Variants in HMBOX1 observed in about 807,000 individuals in gnomAD.
HMBOX1 encodes homeobox-containing protein 1.
Under a neutral mutation model 54.5 loss-of-function variants are expected in HMBOX1, and 14 were observed. The observed-to-expected ratio is 0.26, with a 90% CI of 0.17 to 0.40. The LOEUF is 0.40. HMBOX1 is among the 10% of genes least tolerant of loss of function. The pLI is 1.00. For missense variants in HMBOX1, 332 were observed against 514.4 expected, an observed-to-expected ratio of 0.65 and a Z score of 3.43; for synonymous variants, 160 against 181.0, an observed-to-expected ratio of 0.88 and a Z score of 0.93.
chr8:28,960,281 T>C (rs1050023160), intron 1 of HMBOX1, among the ~76,000 whole-genome samples: 3 of 143,748 alleles, frequency 2.1e-5, no homozygotes, highest in African/African-American at 6.0e-5. Flanking sequence ...TTTGTCACAG[T>C]GTATTGTTAT....
chr8:29,038,863 C>G (rs1271889623), intron 6 of HMBOX1, among the ~76,000 whole-genome samples: 3 of 152,120 alleles, frequency 2.0e-5, no homozygotes, highest in African/African-American at 7.2e-5. Context: ...ACTCCATACC[C>G]TTTAAAATCT....
intron 2 of HMBOX1, among the ~76,000 whole-genome samples, chr8:28,968,401 G>T (rs1463322150): frequency 2.0e-5 from 3 of 152,200 alleles, no homozygotes; most frequent in African/African-American, 7.2e-5. Context: ...TTGTAAAGGA[G>T]AATGATGTGT....
chr8:28,928,507 T>C (rs928214442), intron 1 of HMBOX1, among the ~76,000 whole-genome samples: 1 of 152,164 alleles, frequency 6.6e-6, no homozygotes, highest in African/African-American at 2.4e-5. Context: ...GAGCCAGCAA[T>C]CCCACTTGTG....
chr8:29,039,160 T>C (rs1016439307), intron 6 of HMBOX1, among the ~76,000 whole-genome samples: 1 of 152,206 alleles, frequency 6.6e-6, no homozygotes, highest in South Asian at 2.1e-4. Context: ...ATATCTTCTT[T>C]ACATACCTGT....
intron 1 of HMBOX1, among the ~76,000 whole-genome samples, chr8:28,959,409 G>A (rs1825063920): frequency 6.6e-6 from 1 of 152,184 alleles, no homozygotes; most frequent in African/African-American, 2.4e-5. Flanking sequence ...AAGTTACTAA[G>A]AGTGGCTCAC....
Position 29,050,016 on chromosome 8 carries a change from C to T in HMBOX1, c.1125+968C>T, listed in dbSNP as rs77928954. ...GAAGGAAACAATGATGTCCACACTT[C>T]TGAAGAACTACCATTTTTTCCCATT... On this transcript the variant is annotated intron_variant, in intron 9 of 9. Transcript: ENST00000287701. Among the ~76,000 whole-genome samples the T allele has an allele frequency of 2.7e-3, 418 of 152,340 alleles. 1 individual carries two copies. The highest frequency in any genetic ancestry group is 4.3e-3 in the Non-Finnish European group (295 of 68,032).
intron 1 of HMBOX1, among the ~76,000 whole-genome samples, chr8:28,904,744 T>C (rs1479010749): frequency 1.3e-5 from 2 of 151,890 alleles, no homozygotes; most frequent in African/African-American, 4.8e-5. Context: ...TGGCACCATC[T>C]TGCTCACTGC....
intron 3 of HMBOX1, among the ~76,000 whole-genome samples, chr8:28,973,796 T>C (rs1393114675): frequency 2.1e-5 from 3 of 146,172 alleles, no homozygotes; most frequent in Non-Finnish European, 4.5e-5. Context: ...TCGAGATACA[T>C]AATGGAGTTT....
chr8:29,046,370 G>T (rs1805560653), intron 7 of HMBOX1: 1 of 152,162 alleles, frequency 6.6e-6, no homozygotes, highest in Admixed American at 6.5e-5. Flanking sequence ...CCTGCTTTCT[G>T]GTTTCTTCAC....
intron 3 of HMBOX1, among the ~76,000 whole-genome samples, chr8:28,972,957 A>G (rs1216642790): frequency 2.0e-5 from 3 of 152,192 alleles, no homozygotes; most frequent in Non-Finnish European, 4.4e-5. Flanking sequence ...TCGCATAATC[A>G]GGACACTTTA....
chr8:28,938,724 C>T (rs940986923), intron 1 of HMBOX1, among the ~76,000 whole-genome samples: 2 of 151,902 alleles, frequency 1.3e-5, no homozygotes, highest in Admixed American at 6.6e-5. Flanking sequence ...GTTGGAATTA[C>T]AGGCATGAGC....
chr8:28,894,618 A>G (rs1036394939), intron 1 of HMBOX1, among the ~76,000 whole-genome samples: 2 of 152,226 alleles, frequency 1.3e-5, no homozygotes, highest in South Asian at 2.1e-4. Context: ...TACTGGATTT[A>G]GGGCCCATCA....
At chr8:29,050,231 C>G in intron 9 of HMBOX1, 2 of 984,572 alleles carry the variant, frequency 2.0e-6, no homozygotes, top group Non-Finnish European at 2.4e-6. Context: ...CTCTTTGATA[C>G]GGAGTTCCCC....
intron 1 of HMBOX1, chr8:28,915,545 A>C (rs1421096167): frequency 7.2e-6 from 1 of 138,128 alleles, no homozygotes; most frequent in African/African-American, 2.8e-5. Flanking sequence ...TGACAGAGCG[A>C]GACTCTGTCT....
At chr8:28,895,829 A>G (rs987557912) in intron 1 of HMBOX1, among the ~76,000 whole-genome samples, 1 of 152,122 alleles carries the variant, frequency 6.6e-6, no homozygotes, top group Non-Finnish European at 1.5e-5. Flanking sequence ...ATTTCTTTCT[A>G]TTAATGTTCT....
chr8:29,050,369 G>T, intron 9 of HMBOX1: 1 of 273,108 alleles, frequency 3.7e-6, no homozygotes, highest in Non-Finnish European at 5.6e-6. Flanking sequence ...GGGGAGGACA[G>T]CTTCACACTA....
At chr8:28,899,452 A>G (rs1812791881) in intron 1 of HMBOX1, among the ~76,000 whole-genome samples, 1 of 152,202 alleles carries the variant, frequency 6.6e-6, no homozygotes, top group Non-Finnish European at 1.5e-5. Context: ...TATAGTGACA[A>G]CTGTTCTCTT....
chr8:29,003,613 A>G (rs1833011687), intron 4 of HMBOX1, among the ~76,000 whole-genome samples: 3 of 116,940 alleles, frequency 2.6e-5, no homozygotes, highest in Admixed American at 9.6e-5. Flanking sequence ...GCATGTAGAA[A>G]GTCTGGATGG....
chr8:29,040,602 G>C (rs534156372), intron 6 of HMBOX1, among the ~76,000 whole-genome samples: 8 of 152,274 alleles, frequency 5.3e-5, no homozygotes, highest in East Asian at 1.9e-4. Context: ...CCTCCAGCTA[G>C]AGTAGCATGT....
Sources: allele counts gnomAD v4.1 joint callset (sites outside exome capture counted in the v4.1 genomes callset), GRCh38; gene constraint gnomAD v4.1.1; transcripts MANE v1.5; gene names NCBI Gene and HGNC (gene_info 2026-07-23, HGNC 2026-07-21).